TAOK3: variants seen among roughly 807,000 people sequenced by gnomAD.
TAOK3 encodes serine/threonine-protein kinase TAO3.
TAOK3 carries 40 observed loss-of-function variants against 120.4 expected under a neutral mutation model. The ratio of observed to expected loss-of-function variants is 0.33; its 90% confidence interval spans 0.26 to 0.43. The LOEUF is 0.43. TAOK3 is among the 20% of genes least tolerant of loss of function. The probability of loss-of-function intolerance (pLI) is 1.00; values close to 1 mark genes in which losing one functional copy is unlikely to be tolerated. For synonymous variants in TAOK3, 355 were observed against 387.5 expected (o/e 0.92, Z 0.99); for missense variants, 821 against 1,112.1 (o/e 0.74, Z 3.72).
chr12:118,351,871 T>C (rs1593662949), intron 1 of TAOK3, among the ~76,000 whole-genome samples: 1 of 140,264 alleles, frequency 7.1e-6, no homozygotes, highest in East Asian at 2.1e-4. Flanking sequence ...GTTCTTTTTT[T>C]TTTTTTTTTT....
chr12:118,320,625 T>C (rs979327488), intron 1 of TAOK3, among the ~76,000 whole-genome samples: 1 of 152,148 alleles, frequency 6.6e-6, no homozygotes, highest in African/African-American at 2.4e-5. Context: ...CTATAAGCTA[T>C]TGAGACCAGG....
chr12:118,151,357 T>C (rs1223527207), intron 20 of TAOK3, among the ~76,000 whole-genome samples, 199 bp from the exon 21 acceptor site: 1 of 152,122 alleles, frequency 6.6e-6, no homozygotes, highest in Non-Finnish European at 1.5e-5. Context: ...GGCTGAGTCC[T>C]GTGATCAATG....
At chr12:118,333,829 T>C (rs528838194) in intron 1 of TAOK3, among the ~76,000 whole-genome samples, 3 of 149,084 alleles carry the variant, frequency 2.0e-5, no homozygotes, top group African/African-American at 7.6e-5. Context: ...GTTCTGGGTA[T>C]TTTATAAAAA....
chr12:118,278,627 T>C (rs1179836070), intron 1 of TAOK3, among the ~76,000 whole-genome samples: 1 of 152,174 alleles, frequency 6.6e-6, no homozygotes. Context: ...GTCTTTATAG[T>C]AGAATGATTC....
At chr12:118,170,700 T>C (rs1224547898) in intron 17 of TAOK3, among the ~76,000 whole-genome samples, 12 of 151,970 alleles carry the variant, frequency 7.9e-5, no homozygotes, top group Non-Finnish European at 1.8e-4. Context: ...GAGGTGGAGG[T>C]TGCAGTGAGC....
Position 118,255,451 on chromosome 12 carries a change from A to T in TAOK3, c.117T>A (p.Tyr39Ter). 6.2e-7 allele frequency: 1 copy of T among 1,614,122 alleles called. No individual in the cohort carries two copies. Among genetic ancestry groups the T allele is most frequent in the Non-Finnish European group, 8.5e-7 (1 of 1,180,024 alleles). ...EIGHGSFGAVYFATNAHTSEV... is the reference protein window; with the variant it reads ...EIGHGSFGAV ...AAAGACTCTTTTAAGTACTTACAAA[A>T]TAAACTGCTCCAAAACTTCCATGTC... Residue 39 changes from tyrosine (Y) to a stop codon, truncating the protein, a stop_gained, in exon 3 of 21, where the codon TAT becomes TAA. Coordinates refer to ENST00000392533, the MANE Select transcript of TAOK3 (RefSeq NM_016281.4). LOFTEE classifies it high-confidence loss of function.
At chr12:118,204,180 T>A (rs1451877549) in intron 11 of TAOK3, among the ~76,000 whole-genome samples, 1 of 149,644 alleles carries the variant, frequency 6.7e-6, no homozygotes, top group Non-Finnish European at 1.5e-5. Context: ...GGCAGGAGAA[T>A]GGCTTGAATC....
At chr12:118,308,931 CAAAAAAA>C (rs60574584) in intron 1 of TAOK3, among the ~76,000 whole-genome samples, 1,211 of 29,884 alleles carry the variant, frequency 0.041, 16 homozygotes, top group African/African-American at 0.12. Flanking sequence ...ACTCTGTCTC[CAAAAAAA>C]AAAAAAAAAA....
intron 6 of TAOK3, among the ~76,000 whole-genome samples, chr12:118,238,661 G>A (rs2040119161): frequency 6.6e-6 from 1 of 150,506 alleles, no homozygotes; most frequent in South Asian, 2.1e-4. Flanking sequence ...TGAGACAGGG[G>A]TCTCACTCTG....
intron 1 of TAOK3, among the ~76,000 whole-genome samples, chr12:118,327,587 C>T (rs574209909): frequency 1.3e-5 from 2 of 152,250 alleles, no homozygotes; most frequent in African/African-American, 4.8e-5. Context: ...GAGTTAAGTT[C>T]ATTCAATATC....
chr12:118,224,444 C>T (rs942921009), intron 9 of TAOK3, among the ~76,000 whole-genome samples: 1 of 152,180 alleles, frequency 6.6e-6, no homozygotes, highest in Non-Finnish European at 1.5e-5. Flanking sequence ...GTGTTTTGTT[C>T]TTTCCTGGAG....
chr12:118,340,893 C>T lies in TAOK3; in HGVS notation c.-194+31755G>A, dbSNP rs139075276. ...AGGTAGTCAAGGCTGCAGTGAGCCA[C>T]GATTACACCACTGCACGACAGCCTG... On this transcript the variant is annotated intron_variant, in intron 1 of 20. Transcript: ENST00000392533. Among the ~76,000 whole-genome samples the T allele has an allele frequency of 8.5e-3, 1,286 of 151,800 alleles. 11 individuals are homozygous for T. Among genetic ancestry groups the T allele is most frequent in the African/African-American group, 0.029 (1,184 of 41,434 alleles).
chr12:118,245,598 G>A (rs2040457965), intron 3 of TAOK3, among the ~76,000 whole-genome samples: 2 of 152,140 alleles, frequency 1.3e-5, no homozygotes, highest in African/African-American at 2.4e-5. Flanking sequence ...GATTACAGAC[G>A]TTAGCCACCG....
intron 16 of TAOK3, among the ~76,000 whole-genome samples, chr12:118,175,092 T>C (rs1182395988): frequency 6.6e-6 from 1 of 152,206 alleles, no homozygotes; most frequent in Admixed American, 6.5e-5. Context: ...ATGTGAACCT[T>C]CTGAGTTGGG....
chr12:118,207,636 C>T (rs182617787), intron 11 of TAOK3, among the ~76,000 whole-genome samples: 3,424 of 152,110 alleles, frequency 0.023, 103 homozygotes, highest in East Asian at 0.072. Context: ...GGGTGGATTA[C>T]TTGAGGTCAG....
At chr12:118,337,110 A>C (rs1358663623) in intron 1 of TAOK3, among the ~76,000 whole-genome samples, 1 of 152,228 alleles carries the variant, frequency 6.6e-6, no homozygotes, top group South Asian at 2.1e-4. Context: ...CAGGAATTTC[A>C]CTAAAGAGGA....
chr12:118,244,275 C>T (rs1434824104), intron 4 of TAOK3, among the ~76,000 whole-genome samples: 1 of 152,026 alleles, frequency 6.6e-6, no homozygotes, highest in Non-Finnish European at 1.5e-5. Flanking sequence ...ATTGCCCAGG[C>T]TTGTCTTGAG....
intron 14 of TAOK3, among the ~76,000 whole-genome samples, chr12:118,189,406 T>TA (rs2037281293): frequency 6.6e-6 from 1 of 152,078 alleles, no homozygotes; most frequent in African/African-American, 2.4e-5. Context: ...ATCAATACCT[T>TA]AAAAAAATTT....
At chr12:118,323,252 A>G (rs2043798311) in intron 1 of TAOK3, among the ~76,000 whole-genome samples, 2 of 152,212 alleles carry the variant, frequency 1.3e-5, no homozygotes, top group African/African-American at 2.4e-5. Context: ...AGAAAGATCA[A>G]TGAAACAACA....
Sources: allele counts gnomAD v4.1 joint callset (sites outside exome capture counted in the v4.1 genomes callset), GRCh38; gene constraint gnomAD v4.1.1; transcripts MANE v1.5; gene names NCBI Gene and HGNC (gene_info 2026-07-23, HGNC 2026-07-21).